NAV2: variants seen among roughly 807,000 people sequenced by gnomAD.
NAV2 encodes helicase, APC down-regulated 1.
Under a neutral mutation model 223.2 loss-of-function variants are expected in NAV2, and 54 were observed. That is an observed-to-expected ratio of 0.24 (90% CI 0.19 to 0.30). The LOEUF (loss-of-function observed/expected upper bound fraction) is 0.30, where lower values mean the gene tolerates loss of function less well. Ranked by LOEUF, NAV2 falls within the 10% of genes least tolerant of loss-of-function variation. NAV2 has a pLI of 1.00. For missense variants in NAV2, 2,806 were observed against 3,147.5 expected (o/e 0.89, Z 2.60); for synonymous variants, 1,279 against 1,239.3 (o/e 1.03, Z -0.67).
At chr11:19,572,088 G>A (rs952966902) in intron 1 of NAV2, among the ~76,000 whole-genome samples, 8 of 152,242 alleles carry the variant, frequency 5.3e-5, no homozygotes, top group African/African-American at 9.6e-5. Context: ...ACACAGGGGT[G>A]CAGATGGGAA....
chr11:19,726,457 C>A (rs779587745), intron 1 of NAV2, among the ~76,000 whole-genome samples: 1 of 152,206 alleles, frequency 6.6e-6, no homozygotes, highest in African/African-American at 2.4e-5. Context: ...ACTTGCTGCT[C>A]TTCCTGCATG....
chr11:19,785,647 C>CTTTTTTTTTTTTTTTTTTTTTTTTTT (rs3214722), intron 1 of NAV2, among the ~76,000 whole-genome samples: 1 of 141,858 alleles, frequency 7.0e-6, no homozygotes, highest in African/African-American at 2.6e-5. Context: ...CGTCAGCTGG[C>CTTTTTTTTTTTTTTTTTTTTTTTTTT]TTTTTTTTTT....
chr11:19,811,841 AAAAAT>A (rs1179703107), intron 1 of NAV2, among the ~76,000 whole-genome samples: 1 of 152,176 alleles, frequency 6.6e-6, no homozygotes, highest in Non-Finnish European at 1.5e-5. Flanking sequence ...AGCAGTCAAA[AAAAAT>A]ATTTATTCAA....
intron 22 of NAV2, among the ~76,000 whole-genome samples, chr11:20,071,855 GA>G (rs1357275376): frequency 3.3e-5 from 5 of 152,164 alleles, no homozygotes; most frequent in African/African-American, 1.2e-4. Context: ...CCCTTTGTCA[GA>G]TGGATAGATT....
At chr11:19,916,780 C>T (rs2043845315) in intron 6 of NAV2, among the ~76,000 whole-genome samples, 1 of 152,210 alleles carries the variant, frequency 6.6e-6, no homozygotes, top group Admixed American at 6.5e-5. Context: ...ATGAGTACGG[C>T]TGTGTTCCAA....
intron 1 of NAV2, among the ~76,000 whole-genome samples, chr11:19,613,651 C>A (rs1294494952): frequency 1.3e-5 from 2 of 152,196 alleles, no homozygotes; most frequent in African/African-American, 2.4e-5. Context: ...ACTCTCCCAA[C>A]CTAGGTTTCA....
At chr11:20,004,339 A>G (rs1489412356) in intron 11 of NAV2, among the ~76,000 whole-genome samples, 1 of 152,110 alleles carries the variant, frequency 6.6e-6, no homozygotes, top group Non-Finnish European at 1.5e-5. Context: ...TGTAATCCAC[A>G]CCTTTTTTGT....
intron 1 of NAV2, among the ~76,000 whole-genome samples, chr11:19,540,334 A>G (rs1016668575): frequency 1.3e-5 from 2 of 152,142 alleles, no homozygotes; most frequent in Admixed American, 1.3e-4. Flanking sequence ...TTCATTCTTC[A>G]CAACAAAATT....
At chr11:19,535,841 A>G (rs1015204417) in intron 1 of NAV2, among the ~76,000 whole-genome samples, 1 of 152,162 alleles carries the variant, frequency 6.6e-6, no homozygotes, top group Non-Finnish European at 1.5e-5. Context: ...AGCACACAAT[A>G]AATGTGCCTC....
rs533793919 is a variant in NAV2, at chr11:19,837,265, A to G, written c.385+4664A>G. ...GATACATTTAAAAATAGATATATCA[A>G]TGGAGGAGAAGAGAGGGCTGGACTC... On this transcript the variant is annotated intron_variant, in intron 2 of 37. Transcript: ENST00000349880. Among the ~76,000 whole-genome samples, 29 of 152,340 alleles carry G rather than the reference A, an allele frequency of 1.9e-4. 1 individual carries two copies. In the South Asian group the frequency reaches 6.0e-3, roughly 32 times the overall value.
chr11:19,699,132 T>C (rs1371643426), intron 1 of NAV2, among the ~76,000 whole-genome samples: 1 of 152,200 alleles, frequency 6.6e-6, no homozygotes, highest in Non-Finnish European at 1.5e-5. Context: ...AGAAGCACAG[T>C]CAGGAATTCT....
At chr11:19,777,231 G>A (rs1042553877) in intron 1 of NAV2, among the ~76,000 whole-genome samples, 1 of 151,406 alleles carries the variant, frequency 6.6e-6, no homozygotes, top group African/African-American at 2.4e-5. Flanking sequence ...AGGGAGGCAC[G>A]AGAGCTGGGC....
At chr11:19,951,777 C>T (rs943865110) in intron 10 of NAV2, among the ~76,000 whole-genome samples, 1 of 152,166 alleles carries the variant, frequency 6.6e-6, no homozygotes, top group Non-Finnish European at 1.5e-5. Context: ...TTAAAAGCAC[C>T]GATGTTTACA....
intron 1 of NAV2, among the ~76,000 whole-genome samples, chr11:19,745,647 G>C (rs528040042): frequency 1.3e-5 from 2 of 152,318 alleles, no homozygotes; most frequent in East Asian, 3.9e-4. Context: ...TCCATGGACA[G>C]AGATGCAGGA....
chr11:19,358,556 A>C (rs995552), intron 1 of NAV2, among the ~76,000 whole-genome samples: 1 of 152,192 alleles, frequency 6.6e-6, no homozygotes, highest in Non-Finnish European at 1.5e-5. Flanking sequence ...TGAATCTCTG[A>C]GGTCACAGTG....
chr11:19,718,231 C>T (rs888771180), intron 1 of NAV2, among the ~76,000 whole-genome samples: 2 of 152,188 alleles, frequency 1.3e-5, no homozygotes, highest in Admixed American at 6.5e-5. Context: ...TAAAGACACG[C>T]TCTGTGTTTG....
At chr11:19,402,798 C>T (rs2702675) in intron 1 of NAV2, among the ~76,000 whole-genome samples, 126,058 of 152,258 alleles carry the variant, frequency 0.83, 52,839 homozygotes, top group Non-Finnish European at 0.9. Flanking sequence ...CTCAGCACAG[C>T]GCATGGCACA....
intron 36 of NAV2, 30 bp downstream of exon 36, chr11:20,107,812 A>G (rs2153712142): frequency 6.9e-7 from 1 of 1,457,410 alleles, no homozygotes; most frequent in Non-Finnish European, 9.6e-7. Context: ...GGCTTCCTTG[A>G]AGCTGAGGGG....
At chr11:19,556,360 C>A (rs1775306776) in intron 1 of NAV2, among the ~76,000 whole-genome samples, 1 of 152,180 alleles carries the variant, frequency 6.6e-6, no homozygotes, top group Non-Finnish European at 1.5e-5. Flanking sequence ...GTTAGCAACA[C>A]AGGCTACAAA....
Sources: allele counts gnomAD v4.1 joint callset (sites outside exome capture counted in the v4.1 genomes callset), GRCh38; gene constraint gnomAD v4.1.1; transcripts MANE v1.5; gene names NCBI Gene and HGNC (gene_info 2026-07-23, HGNC 2026-07-21).